SLC39A11: variants seen among roughly 807,000 people sequenced by gnomAD.
SLC39A11 encodes the protein zinc transporter ZIP11.
In SLC39A11, 33 loss-of-function variants were observed where a neutral mutation model predicts 36.1. The ratio of observed to expected loss-of-function variants is 0.91; its 90% CI spans 0.69 to 1.22. The LOEUF is 1.22. Among genes scored for constraint, SLC39A11 ranks in the 50% most tolerant of loss-of-function variants. SLC39A11 has a pLI of 0.00. For missense variants in SLC39A11, 432 were observed against 430.3 expected, an observed-to-expected ratio of 1.00 and a Z score of -0.03; for synonymous variants, 166 against 170.3, an observed-to-expected ratio of 0.97 and a Z score of 0.20.
intron 7 of SLC39A11, among the ~76,000 whole-genome samples, chr17:72,720,196 G>T (rs1009846725): frequency 4.6e-5 from 7 of 152,336 alleles, no homozygotes; most frequent in Admixed American, 4.6e-4. Flanking sequence ...GGGGACAAGG[G>T]CTGGGCAGTA....
At chr17:72,947,017 A>G (rs1211431019) in intron 5 of SLC39A11, among the ~76,000 whole-genome samples, 1 of 152,246 alleles carries the variant, frequency 6.6e-6, no homozygotes, top group African/African-American at 2.4e-5. Flanking sequence ...AAATTGAATC[A>G]GTGAGAGAAA....
intron 6 of SLC39A11, among the ~76,000 whole-genome samples, chr17:72,787,451 G>T (rs976365870): frequency 6.6e-6 from 1 of 151,572 alleles, no homozygotes; most frequent in Non-Finnish European, 1.5e-5. Flanking sequence ...TAAAGACAGG[G>T]TTTCACCGTG....
intron 7 of SLC39A11, among the ~76,000 whole-genome samples, chr17:72,667,799 C>T (rs2070824632): frequency 6.6e-6 from 1 of 152,240 alleles, no homozygotes; most frequent in South Asian, 2.1e-4. Context: ...CATGCATCTT[C>T]TCATTTTTCT....
At chr17:72,952,998 C>A (rs1416524083) in intron 4 of SLC39A11, among the ~76,000 whole-genome samples, 3 of 152,120 alleles carry the variant, frequency 2.0e-5, no homozygotes, top group African/African-American at 7.2e-5. Context: ...CTTTCTCCAG[C>A]TGCAAGGTCA....
intron 7 of SLC39A11, among the ~76,000 whole-genome samples, chr17:72,725,940 G>GA (rs1411236293): frequency 6.6e-6 from 1 of 152,210 alleles, no homozygotes; most frequent in Non-Finnish European, 1.5e-5. Context: ...TTTCTGCTGT[G>GA]AAAGGGTGGG....
intron 6 of SLC39A11, among the ~76,000 whole-genome samples, chr17:72,813,106 A>C (rs1024062339): frequency 1.3e-5 from 2 of 152,192 alleles, no homozygotes; most frequent in African/African-American, 4.8e-5. Context: ...GCTCCCGTCT[A>C]TTATTGCAGG....
At position 72,804,167 on chromosome 17, in the gene SLC39A11, T is replaced by G. The variant is rs1016761430; in HGVS notation, c.601+45467A>C. 5.9e-5 allele frequency among the ~76,000 whole-genome samples: 9 copies of G among 152,254 alleles called. No homozygotes were observed. The South Asian group carries it at 1.9e-3, about 32-fold the overall frequency. Reference sequence around the variant, plus strand: ...CCCGCCACCACGTCTGGTTAATTTTTTTGTATTTTTAGTAGAGACGGGGTT... The same window carrying G: ...CCCGCCACCACGTCTGGTTAATTTTGTTGTATTTTTAGTAGAGACGGGGTT... On this transcript the variant is annotated intron_variant, in intron 6 of 9. Transcript: ENST00000255559.
intron 4 of SLC39A11, among the ~76,000 whole-genome samples, chr17:73,012,148 C>A (rs1035665880): frequency 6.6e-5 from 10 of 151,782 alleles, no homozygotes; most frequent in Admixed American, 5.9e-4. Context: ...TGGTGGCAGG[C>A]GCCTGTAGTC....
intron 3 of SLC39A11, among the ~76,000 whole-genome samples, chr17:73,078,736 A>G (rs900989224): frequency 1.3e-5 from 2 of 151,882 alleles, no homozygotes; most frequent in African/African-American, 4.8e-5. Flanking sequence ...ACCTCAGGTG[A>G]TCCACTTGCC....
intron 6 of SLC39A11, among the ~76,000 whole-genome samples, chr17:72,789,687 T>C (rs769058705): frequency 6.6e-6 from 1 of 152,210 alleles, no homozygotes; most frequent in Non-Finnish European, 1.5e-5. Flanking sequence ...AGCCTCTGAA[T>C]TAGTTATAAG....
intron 6 of SLC39A11, among the ~76,000 whole-genome samples, chr17:72,741,257 A>T (rs1404728536): frequency 6.6e-6 from 1 of 151,376 alleles, no homozygotes; most frequent in Non-Finnish European, 1.5e-5. Flanking sequence ...TGGTCTCACT[A>T]AGTTGTCCAG....
chr17:73,041,020 A>C (rs1455492493), intron 3 of SLC39A11, among the ~76,000 whole-genome samples: 1 of 151,908 alleles, frequency 6.6e-6, no homozygotes, highest in African/African-American at 2.4e-5. Flanking sequence ...AAAAAAAAAA[A>C]ACAGTATTAA....
At chr17:73,008,992 C>T (rs949477944) in intron 4 of SLC39A11, among the ~76,000 whole-genome samples, 6 of 147,518 alleles carry the variant, frequency 4.1e-5, no homozygotes, top group African/African-American at 1.0e-4. Flanking sequence ...GCCTGGGGCC[C>T]TTAAGGCTGC....
chr17:72,855,355 G>A (rs535469851), intron 5 of SLC39A11, among the ~76,000 whole-genome samples: 41 of 152,226 alleles, frequency 2.7e-4, no homozygotes, highest in East Asian at 7.7e-4. Flanking sequence ...GCAGGCCCCC[G>A]ATGAATATGG....
At chr17:73,065,181 G>C (rs1468137982) in intron 3 of SLC39A11, among the ~76,000 whole-genome samples, 1 of 152,130 alleles carries the variant, frequency 6.6e-6, no homozygotes, top group East Asian at 1.9e-4. Context: ...GAGGCTGGCA[G>C]ATCACTTGAG....
chr17:72,795,121 T>C (rs1320171242), intron 6 of SLC39A11, among the ~76,000 whole-genome samples: 2 of 152,128 alleles, frequency 1.3e-5, no homozygotes, highest in Non-Finnish European at 2.9e-5. Context: ...CTGTATAACA[T>C]CTTCCCTGCA....
At chr17:72,955,620 T>G (rs1209999589) in intron 4 of SLC39A11, among the ~76,000 whole-genome samples, 1 of 151,990 alleles carries the variant, frequency 6.6e-6, no homozygotes. Flanking sequence ...ACTTTTCAGT[T>G]TTCTTAAGCA....
At chr17:72,869,171 T>C (rs925552937) in intron 5 of SLC39A11, among the ~76,000 whole-genome samples, 4 of 152,136 alleles carry the variant, frequency 2.6e-5, no homozygotes, top group Non-Finnish European at 5.9e-5. Flanking sequence ...GAGCCCCCCA[T>C]GTTGTCCTTC....
chr17:72,842,945 T>A (rs969299954), intron 6 of SLC39A11, among the ~76,000 whole-genome samples: 2 of 151,544 alleles, frequency 1.3e-5, no homozygotes, highest in African/African-American at 4.9e-5. Context: ...AAGGGGAGGG[T>A]TTTTTGCTTA....
Sources: gnomAD v4.1 joint callset for allele counts (sites outside exome capture counted in the v4.1 genomes callset) on GRCh38, gnomAD v4.1.1 for gene constraint, MANE v1.5 for transcripts, NCBI Gene and HGNC (gene_info 2026-07-23, HGNC 2026-07-21) for gene names.